The following TRPM3 variants were observed in gnomAD, a reference collection of about 807,000 sequenced individuals.
The protein encoded by TRPM3 is long transient receptor potential channel 3.
TRPM3 carries 77 observed loss-of-function variants against 181.2 expected under a neutral mutation model. That is an observed-to-expected ratio of 0.42 (90% CI 0.35 to 0.51). The LOEUF (loss-of-function observed/expected upper bound fraction) is 0.51. Ranked by LOEUF, TRPM3 falls within the 20% of genes least tolerant of loss-of-function variation. The pLI, the probability that TRPM3 is intolerant of heterozygous loss-of-function variation, is 0.01. For synonymous variants in TRPM3, 745 were observed against 796.4 expected, an observed-to-expected ratio of 0.94 and a Z score of 1.09; for missense variants, 1,759 against 2,196.7, an observed-to-expected ratio of 0.80 and a Z score of 3.98.
Position 70,978,660 on chromosome 9 carries a change from A to T in TRPM3, c.178-114149T>A, listed in dbSNP as rs904743035. Among the ~76,000 whole-genome samples the T allele has an allele frequency of 2.0e-5, 3 of 152,198 alleles. No homozygotes were observed. In the East Asian group the frequency reaches 5.8e-4, roughly 29 times the overall value. On this transcript the variant is annotated intron_variant, in intron 1 of 25. Transcript: ENST00000677713. ...ACTGTTGTTCCCGTCATGGGGTAAG[A>T]CATTTCGCTTGGTGTTAATGTGCCG...
intron 7 of TRPM3, among the ~76,000 whole-genome samples, chr9:70,780,510 G>A (rs936394139): frequency 6.6e-5 from 10 of 151,000 alleles, no homozygotes; most frequent in African/African-American, 9.7e-5. Flanking sequence ...ATCCTTCCTG[G>A]TGAATAAGGT....
At chr9:71,259,417 T>C (rs767181498) in intron 1 of TRPM3, among the ~76,000 whole-genome samples, 1 of 152,204 alleles carries the variant, frequency 6.6e-6, no homozygotes, top group Non-Finnish European at 1.5e-5. Context: ...AGTAATGGGA[T>C]TGCTGGGTCA....
At chr9:70,940,871 G>A (rs1222281777) in intron 1 of TRPM3, among the ~76,000 whole-genome samples, 3 of 152,198 alleles carry the variant, frequency 2.0e-5, no homozygotes, top group African/African-American at 7.2e-5. Flanking sequence ...CAAGGCTAGA[G>A]TGGTTGTGTC....
chr9:70,543,449 T>A (rs1255616900), intron 25 of TRPM3, among the ~76,000 whole-genome samples: 1 of 151,810 alleles, frequency 6.6e-6, no homozygotes, highest in Non-Finnish European at 1.5e-5. Flanking sequence ...TTCTTTCTAT[T>A]TTTTTTTGTA....
chr9:70,635,183 T>C, intron 12 of TRPM3, 28 bp downstream of exon 12: 1 of 1,610,568 alleles, frequency 6.2e-7, no homozygotes, highest in Non-Finnish European at 8.5e-7. Flanking sequence ...AGACAGGGCC[T>C]CCGACCTGCA....
chr9:71,250,498 G>A (rs1008623922), intron 1 of TRPM3, among the ~76,000 whole-genome samples: 1 of 152,176 alleles, frequency 6.6e-6, no homozygotes, highest in African/African-American at 2.4e-5. Context: ...TTATAATCCA[G>A]TGTAGGTGAC....
chr9:70,761,520 A>G, intron 8 of TRPM3, 81 bp downstream of exon 8: 2 of 1,599,466 alleles, frequency 1.3e-6, no homozygotes, highest in Non-Finnish European at 1.7e-6. Context: ...AGAATGTTGC[A>G]TGATTTGAGA....
At chr9:71,126,355 C>CA (rs1335265993), upstream of TRPM3, among the ~76,000 whole-genome samples, 1 of 151,726 alleles carries the variant, frequency 6.6e-6, no homozygotes, top group African/African-American at 2.4e-5. Flanking sequence ...CTATTTTTTT[C>CA]AAAAAATCAT....
chr9:70,922,151 C>T (rs964115013), intron 1 of TRPM3, among the ~76,000 whole-genome samples: 4 of 152,136 alleles, frequency 2.6e-5, no homozygotes, highest in Non-Finnish European at 5.9e-5. Context: ...AGACACATAT[C>T]TGTGCATAGA....
Position 71,121,518 on chromosome 9 carries a change from G to A in TRPM3, c.-164C>T. 7.1e-7 allele frequency: 1 copy of A among 1,404,262 alleles called. No homozygotes were observed. Among genetic ancestry groups the A allele is most frequent in the Non-Finnish European group, 9.2e-7 (1 of 1,082,534 alleles). The allele number at this position is 1,404,262 out of a possible 1,614,324, so 87.0% of individuals were successfully genotyped here. On this transcript the variant is annotated 5_prime_UTR_variant, in exon 1 of 26. Transcript: ENST00000677713. ...GCATACCAAATGTGGCTGAATGGAG[G>A]CACACTGCCTGCTGCTTCGGGGAGG...
At chr9:70,592,790 G>A (rs2058339046) in intron 21 of TRPM3, among the ~76,000 whole-genome samples, 1 of 151,986 alleles carries the variant, frequency 6.6e-6, no homozygotes, top group African/African-American at 2.4e-5. Flanking sequence ...GAGTGCAGTG[G>A]AGCGATCTCG....
At chr9:71,150,373 G>A (rs575971157) in intron 1 of TRPM3, among the ~76,000 whole-genome samples, 3 of 152,212 alleles carry the variant, frequency 2.0e-5, no homozygotes, top group African/African-American at 4.8e-5. Flanking sequence ...TGACCCAGAT[G>A]AGCAGAGTAT....
chr9:71,277,752 A>G (rs1433589600), intron 1 of TRPM3, among the ~76,000 whole-genome samples: 1 of 152,230 alleles, frequency 6.6e-6, no homozygotes, highest in Non-Finnish European at 1.5e-5. Context: ...TCTAATCTGT[A>G]TTAAAGTAAC....
intron 25 of TRPM3, among the ~76,000 whole-genome samples, chr9:70,540,482 CCAACA>C (rs1160006928): frequency 6.6e-6 from 1 of 152,114 alleles, no homozygotes; most frequent in African/African-American, 2.4e-5. Flanking sequence ...GCCCCAGGAT[CCAACA>C]CTATAGAGAA....
At chr9:71,130,380 A>G (rs1336711045) in intron 1 of TRPM3, among the ~76,000 whole-genome samples, 1 of 152,196 alleles carries the variant, frequency 6.6e-6, no homozygotes, top group African/African-American at 2.4e-5. Context: ...GTTTGTTTCA[A>G]TGACACAAAA....
intron 20 of TRPM3, among the ~76,000 whole-genome samples, chr9:70,600,636 T>G (rs553336288): frequency 6.6e-6 from 1 of 152,300 alleles, no homozygotes; most frequent in East Asian, 1.9e-4. Context: ...AGGATTTACA[T>G]GTGTAACAAG....
At chr9:71,281,942 T>C (rs1049597746) in intron 1 of TRPM3, among the ~76,000 whole-genome samples, 4 of 152,044 alleles carry the variant, frequency 2.6e-5, no homozygotes, top group Non-Finnish European at 5.9e-5. Flanking sequence ...ATGCCTGTAA[T>C]CCTGGCTACT....
chr9:70,747,561 T>C (rs1012375473), intron 8 of TRPM3, among the ~76,000 whole-genome samples: 3 of 152,136 alleles, frequency 2.0e-5, no homozygotes, highest in Non-Finnish European at 4.4e-5. Context: ...GGCATTTCTA[T>C]GGCAAGGGGC....
At chr9:71,363,786 C>T (rs549032914) in intron 1 of TRPM3, among the ~76,000 whole-genome samples, 3 of 152,116 alleles carry the variant, frequency 2.0e-5, no homozygotes, top group Non-Finnish European at 4.4e-5. Flanking sequence ...ATACATCACA[C>T]TAGATTTAAG....
Sources: allele counts gnomAD v4.1 joint callset (sites outside exome capture counted in the v4.1 genomes callset), GRCh38; gene constraint gnomAD v4.1.1; transcripts MANE v1.5; gene names NCBI Gene and HGNC (gene_info 2026-07-23, HGNC 2026-07-21).